Variants in ATE1 observed in about 807,000 individuals in gnomAD.
ATE1 encodes the protein arginyltransferase 1.
A neutral mutation model predicts 70.5 loss-of-function variants in ATE1; 36 were observed. The ratio of observed to expected loss-of-function variants is 0.51; its 90% CI spans 0.39 to 0.67. The LOEUF (loss-of-function observed/expected upper bound fraction) is 0.67. ATE1 is among the 30% of genes least tolerant of loss of function. The pLI is 0.00. For missense variants in ATE1, 593 were observed against 629.5 expected, an observed-to-expected ratio of 0.94 and a Z score of 0.62; for synonymous variants, 232 against 219.3, an observed-to-expected ratio of 1.06 and a Z score of -0.51.
In ATE1 at chr10:121,922,562, C is replaced by T. The variant is rs1461860033; in HGVS notation, c.171-151G>A. 3 of 597,056 alleles carry T rather than the reference C, an allele frequency of 5.0e-6. No individual in the cohort carries two copies. The African/African-American group carries it at 5.6e-5, about 11-fold the overall frequency. The allele number at this position is 597,056 out of a possible 1,614,324, so 37.0% of individuals were successfully genotyped here. A position where few individuals can be genotyped will look rare whatever the true frequency, so the allele number is the denominator to read the frequency against. On this transcript the variant is annotated intron_variant, in intron 2 of 11. Transcript: ENST00000224652. ...AATTACTCTTCATAAGCCAAATAATCTTCAAAGTGCGTGTAGCAAAGTTTA... is the reference window on the plus strand; with the variant it reads ...AATTACTCTTCATAAGCCAAATAATTTTCAAAGTGCGTGTAGCAAAGTTTA...
intron 11 of ATE1, among the ~76,000 whole-genome samples, chr10:121,784,750 C>G (rs1049806761): frequency 1.4e-4 from 21 of 151,940 alleles, no homozygotes; most frequent in Admixed American, 3.3e-4. Flanking sequence ...TCCCAGCTAC[C>G]CAGGAGGCTG....
At chr10:121,859,895 C>T (rs75339296) in intron 8 of ATE1, among the ~76,000 whole-genome samples, 21,189 of 152,116 alleles carry the variant, frequency 0.14, 1,599 homozygotes, top group East Asian at 0.19. Context: ...CGAGCAAGAT[C>T]GTGCCACTGC....
intron 10 of ATE1, among the ~76,000 whole-genome samples, chr10:121,831,612 T>G (rs1948240618): frequency 6.6e-6 from 1 of 152,272 alleles, no homozygotes; most frequent in African/African-American, 2.4e-5. Flanking sequence ...TTAGTTTTAA[T>G]TCTTGAAGGA....
rs1027442522 is a variant in ATE1, at chr10:121,742,885, A to C, written c.*795T>G. Reference sequence around the variant, plus strand: ...TATTTATTTCCTTTGGATGAGACTTAGATCAAGGCAGGAACCAACATTTTT... The same window carrying C: ...TATTTATTTCCTTTGGATGAGACTTCGATCAAGGCAGGAACCAACATTTTT... On this transcript the variant is annotated 3_prime_UTR_variant, in exon 12 of 12. Coordinates refer to ENST00000224652, the MANE Select transcript of ATE1 (RefSeq NM_001001976.3). 6.6e-5 allele frequency: 10 copies of C among 152,236 alleles called. No homozygotes were observed. The highest frequency in any genetic ancestry group is 2.4e-4 in the African/African-American group (10 of 41,468). The allele number at this position is 152,236 out of a possible 1,614,324, so 9.4% of individuals were successfully genotyped here.
At chr10:121,847,796 G>C (rs1305591721) in intron 8 of ATE1, among the ~76,000 whole-genome samples, 1 of 150,264 alleles carries the variant, frequency 6.7e-6, no homozygotes, top group South Asian at 2.1e-4. Context: ...AACAGGCCAG[G>C]CGTGGTGGCT....
rs1944170261 is a variant in ATE1 at position 121,742,200 on chromosome 10, C to T, written c.*1480G>A. ...ACTCTGAATGAAGAAATGCGGCTGA[C>T]TTGGATGTTGAGTTTCTAGAGATTT... is the stretch of plus-strand genomic sequence containing the variant. On this transcript the variant is annotated 3_prime_UTR_variant, in exon 12 of 12. Transcript: ENST00000224652. The T allele has an allele frequency of 6.6e-6, 1 of 152,204 alleles. No homozygotes were observed. Among genetic ancestry groups the T allele is most frequent in the Non-Finnish European group, 1.5e-5 (1 of 68,046 alleles). 9.4% of individuals were successfully genotyped at this position (152,204 alleles called of 1,614,324 possible).
intron 7 of ATE1, among the ~76,000 whole-genome samples, chr10:121,893,697 A>C (rs1457921338): frequency 6.6e-6 from 1 of 152,224 alleles, no homozygotes; most frequent in Non-Finnish European, 1.5e-5. Flanking sequence ...TGTGTAAATT[A>C]AGATCTCTAT....
chr10:121,768,582 G>A (rs1017571703), intron 11 of ATE1, among the ~76,000 whole-genome samples: 5 of 152,116 alleles, frequency 3.3e-5, no homozygotes, highest in African/African-American at 9.7e-5. Flanking sequence ...CAGTTTCACT[G>A]AGGAGCTGCT....
At chr10:121,928,366 C>T, upstream of ATE1, 1 of 1,533,430 alleles carries the variant, frequency 6.5e-7, no homozygotes, top group Non-Finnish European at 8.8e-7. Flanking sequence ...CTTTGCCCTC[C>T]TTGGAATCGC....
At chr10:121,792,823 A>C (rs1946507932) in intron 10 of ATE1, among the ~76,000 whole-genome samples, 3 of 152,280 alleles carry the variant, frequency 2.0e-5, no homozygotes, top group South Asian at 4.1e-4. Context: ...AAAGCTAAAG[A>C]TATAAAACTT....
intron 7 of ATE1, among the ~76,000 whole-genome samples, chr10:121,871,923 T>C (rs1949876367): frequency 6.6e-6 from 1 of 152,170 alleles, no homozygotes; most frequent in African/African-American, 2.4e-5. Flanking sequence ...AATGCAAGCT[T>C]TGTGGTCTTG....
chr10:121,883,354 A>G (rs964343993), intron 7 of ATE1, among the ~76,000 whole-genome samples: 3 of 152,216 alleles, frequency 2.0e-5, no homozygotes, highest in African/African-American at 7.2e-5. Flanking sequence ...ATGCCTCGAC[A>G]GTACTTAGGT....
chr10:121,926,150 A>G (rs1952080823), intron 1 of ATE1, among the ~76,000 whole-genome samples: 1 of 152,214 alleles, frequency 6.6e-6, no homozygotes, highest in South Asian at 2.1e-4. Context: ...TGGAGGTTGC[A>G]GTGAGCAAAG....
At chr10:121,804,722 C>CTTT (rs148382329) in intron 10 of ATE1, among the ~76,000 whole-genome samples, 4 of 134,012 alleles carry the variant, frequency 3.0e-5, no homozygotes, top group Admixed American at 7.6e-5. Context: ...ATTCTAGCAA[C>CTTT]TTTTTTTTTT....
At chr10:121,743,921 T>C (rs532992159) in intron 11 of ATE1, 63 bp from the exon 12 acceptor site, 4 of 1,281,260 alleles carry the variant, frequency 3.1e-6, no homozygotes, top group Middle Eastern at 4.3e-4. Flanking sequence ...GTTTCCTTTT[T>C]TTTTTTTTTT....
At chr10:121,815,266 G>C (rs552536721) in intron 10 of ATE1, among the ~76,000 whole-genome samples, 69 of 152,260 alleles carry the variant, frequency 4.5e-4, no homozygotes, top group Non-Finnish European at 5.7e-4. Context: ...CTCCCGAGTA[G>C]CTGGGACTAC....
chr10:121,815,582 G>C (rs1199270404), intron 10 of ATE1, among the ~76,000 whole-genome samples: 1 of 152,178 alleles, frequency 6.6e-6, no homozygotes, highest in Non-Finnish European at 1.5e-5. Flanking sequence ...ATTTAAGGTG[G>C]TCCTGGGGTA....
At chr10:121,826,963 T>C (rs1948045017) in intron 10 of ATE1, among the ~76,000 whole-genome samples, 2 of 152,154 alleles carry the variant, frequency 1.3e-5, no homozygotes, top group African/African-American at 4.8e-5. Flanking sequence ...TTGATGACTG[T>C]GTAGTATTCC....
intron 8 of ATE1, among the ~76,000 whole-genome samples, chr10:121,868,983 G>A (rs1385065692): frequency 1.3e-5 from 2 of 152,190 alleles, no homozygotes; most frequent in Non-Finnish European, 2.9e-5. Flanking sequence ...CCCTGAAGAC[G>A]AATATGATTT....
Sources: gnomAD v4.1 joint callset for allele counts (sites outside exome capture counted in the v4.1 genomes callset) on GRCh38, gnomAD v4.1.1 for gene constraint, MANE v1.5 for transcripts, NCBI Gene and HGNC (gene_info 2026-07-23, HGNC 2026-07-21) for gene names.